HERC3: variants seen among roughly 807,000 people sequenced by gnomAD.
The protein encoded by HERC3 is probable E3 ubiquitin-protein ligase HERC3.
A neutral mutation model predicts 129.9 loss-of-function variants in HERC3; 58 were observed. The ratio of observed to expected loss-of-function variants is 0.45; its 90% confidence interval spans 0.36 to 0.56. HERC3 has a LOEUF of 0.56. Ranked by LOEUF, HERC3 falls within the 20% of genes least tolerant of loss-of-function variation. The pLI, the probability that HERC3 is intolerant of heterozygous loss-of-function variation, is 0.00. For missense variants in HERC3, 835 were observed against 1,244.2 expected (o/e 0.67, Z 4.95); for synonymous variants, 430 against 451.0 (o/e 0.95, Z 0.59).
the HERC3 span, among the ~76,000 whole-genome samples, chr4:88,545,119 T>C: frequency 6.6e-6 from 1 of 152,080 alleles, no homozygotes; most frequent in Non-Finnish European, 1.5e-5. Flanking sequence ...AACATATGCA[T>C]GGTAAGGGGG....
the HERC3 span, among the ~76,000 whole-genome samples, chr4:88,576,168 A>G: frequency 6.6e-6 from 1 of 152,152 alleles, no homozygotes; most frequent in African/African-American, 2.4e-5. Flanking sequence ...CTCTACAGCC[A>G]TCATCTGAAC....
rs75493389 is a variant in HERC3 at position 88,653,501 on chromosome 4, A to C, written c.685+411A>C. 8.9e-3 allele frequency among the ~76,000 whole-genome samples: 1,363 copies of C among 152,312 alleles called. 47 individuals carry two copies. The highest frequency in any genetic ancestry group is 0.038 in the East Asian group (196 of 5,176). ...AGAAGGGGAAGAGTAGCACAGCTGC[A>C]GGTCAGAGAAGTCGTGTAGACCCAG... On this transcript the variant is annotated intron_variant, in intron 6 of 25. Transcript: ENST00000402738.
intron 23 of HERC3, among the ~76,000 whole-genome samples, chr4:88,692,120 A>G (rs1184655589): frequency 1.3e-5 from 2 of 152,208 alleles, no homozygotes; most frequent in Non-Finnish European, 2.9e-5. Context: ...ATCATAGACA[A>G]ATCTTGCCAC....
At chr4:88,553,282 G>C in the HERC3 span, among the ~76,000 whole-genome samples, 1 of 152,156 alleles carries the variant, frequency 6.6e-6, no homozygotes, top group Non-Finnish European at 1.5e-5. Context: ...AAGATTTCTA[G>C]AATAAGTTTG....
At chr4:88,524,742 A>G in the HERC3 span, 1 of 152,136 alleles carries the variant, frequency 6.6e-6, no homozygotes, top group Non-Finnish European at 1.5e-5. Flanking sequence ...AATGTTGTCT[A>G]TTTTTATTTT....
At chr4:88,662,368 G>C in intron 10 of HERC3, 63 bp from the exon 11 acceptor site, 2 of 1,476,514 alleles carry the variant, frequency 1.4e-6, no homozygotes, top group Non-Finnish European at 1.9e-6. Context: ...GTGGGAGAAA[G>C]GAGAGGAGAC....
At chr4:88,667,281 T>C (rs929606483) in intron 12 of HERC3, 96 bp from the exon 13 acceptor site, 2 of 547,958 alleles carry the variant, frequency 3.6e-6, no homozygotes, top group Non-Finnish European at 6.3e-6. Flanking sequence ...AATTTAAATC[T>C]GATTACTAAG....
the HERC3 span, among the ~76,000 whole-genome samples, chr4:88,534,966 T>C: frequency 1.3e-5 from 2 of 152,354 alleles, no homozygotes; most frequent in South Asian, 4.1e-4. Flanking sequence ...GCTCTTTTAT[T>C]ACAGAAAGCT....
At chr4:88,597,201 G>A (rs1722494351) in intron 2 of HERC3, among the ~76,000 whole-genome samples, 1 of 152,020 alleles carries the variant, frequency 6.6e-6, no homozygotes, top group Admixed American at 6.5e-5. Flanking sequence ...GTCACCTAGG[G>A]CTACTTACAT....
At chr4:88,648,688 C>T (rs1345694137) in intron 3 of HERC3, among the ~76,000 whole-genome samples, 1 of 152,056 alleles carries the variant, frequency 6.6e-6, no homozygotes, top group East Asian at 1.9e-4. Context: ...TTATTCTGGG[C>T]ACTTAATAGA....
intron 3 of HERC3, among the ~76,000 whole-genome samples, chr4:88,618,511 G>A (rs554305787): frequency 2.9e-3 from 445 of 152,298 alleles, no homozygotes; most frequent in Non-Finnish European, 4.8e-3. Flanking sequence ...ATATAGAGTG[G>A]AACTCATCTT....
chr4:88,643,197 A>G (rs1007994973), intron 3 of HERC3, among the ~76,000 whole-genome samples: 1 of 152,238 alleles, frequency 6.6e-6, no homozygotes, highest in African/African-American at 2.4e-5. Context: ...TAAGATTTAT[A>G]TGCTGAAAAC....
intron 3 of HERC3, 26 bp from the exon 4 acceptor site, chr4:88,649,814 T>A (rs1248798872): frequency 6.2e-7 from 1 of 1,606,318 alleles, no homozygotes; most frequent in East Asian, 2.2e-5. Flanking sequence ...GTTGTACATT[T>A]TCCTCCTCCA....
At chr4:88,601,211 T>C (rs1255023675) in intron 2 of HERC3, among the ~76,000 whole-genome samples, 1 of 152,224 alleles carries the variant, frequency 6.6e-6, no homozygotes, top group Non-Finnish European at 1.5e-5. Flanking sequence ...AGTTTTATAT[T>C]TTATTTTGGG....
chr4:88,664,962 C>A (rs944686704), intron 12 of HERC3, among the ~76,000 whole-genome samples: 2 of 152,262 alleles, frequency 1.3e-5, no homozygotes, highest in East Asian at 3.9e-4. Context: ...AGAGTCTTGT[C>A]ATGGGTTTGG....
chr4:88,691,116 C>T (rs1050249416), intron 23 of HERC3, among the ~76,000 whole-genome samples: 1 of 152,162 alleles, frequency 6.6e-6, no homozygotes, highest in African/African-American at 2.4e-5. Flanking sequence ...GAAAGGTGCT[C>T]TGTAAAGGGA....
At chr4:88,624,193 C>T (rs2972024) in intron 3 of HERC3, among the ~76,000 whole-genome samples, 2 of 151,974 alleles carry the variant, frequency 1.3e-5, no homozygotes, top group African/African-American at 2.4e-5. Flanking sequence ...TATTTTCCCC[C>T]GTTTTGGGTT....
intron 3 of HERC3, among the ~76,000 whole-genome samples, chr4:88,612,291 G>A (rs1386383894): frequency 8.4e-6 from 1 of 119,558 alleles, no homozygotes; most frequent in Non-Finnish European, 1.6e-5. Flanking sequence ...GTGACCAACT[G>A]TGTGTGTGTG....
intron 21 of HERC3, among the ~76,000 whole-genome samples, chr4:88,684,208 T>G (rs1733136944): frequency 1.3e-5 from 2 of 152,204 alleles, no homozygotes; most frequent in African/African-American, 4.8e-5. Flanking sequence ...GCTACTTGAC[T>G]TCAAACTATA....
Sources: gnomAD v4.1 joint callset for allele counts (sites outside exome capture counted in the v4.1 genomes callset) on GRCh38, gnomAD v4.1.1 for gene constraint, MANE v1.5 for transcripts, NCBI Gene and HGNC (gene_info 2026-07-23, HGNC 2026-07-21) for gene names.